RBPJ: variants seen among roughly 807,000 people sequenced by gnomAD.
RBPJ encodes recombination signal binding protein for immunoglobulin kappa J region, also known as recombining binding protein suppressor of hairless.
RBPJ carries 9 observed loss-of-function variants against 67.8 expected under a neutral mutation model. The observed-to-expected ratio is 0.13, with a 90% CI of 0.08 to 0.23. The LOEUF is 0.23. Among genes scored for constraint, RBPJ ranks in the 10% least tolerant of loss-of-function variants. The pLI is 1.00. For synonymous variants in RBPJ, 198 were observed against 203.3 expected (o/e 0.97, Z 0.22); for missense variants, 305 against 595.6 (o/e 0.51, Z 5.08).
chr4:26,409,774 G>A (rs573946574), intron 3 of RBPJ, among the ~76,000 whole-genome samples: 2 of 152,032 alleles, frequency 1.3e-5, no homozygotes, highest in Non-Finnish European at 2.9e-5. Flanking sequence ...CTGGGATTAC[G>A]GGCGTGAGCC....
chr4:26,233,399 A>G (rs1719352587), intron 1 of RBPJ, among the ~76,000 whole-genome samples: 1 of 152,164 alleles, frequency 6.6e-6, no homozygotes, highest in African/African-American at 2.4e-5. Flanking sequence ...TTCCTTGCAA[A>G]AAGTTTCCTT....
chr4:26,409,971 C>T, intron 3 of RBPJ: 1 of 424,764 alleles, frequency 2.4e-6, no homozygotes, highest in Admixed American at 2.9e-5. Context: ...TTAAAAATTT[C>T]AAAGTAGACC....
chr4:26,202,954 AAAGGAAGGAAGGAAATAAGGAAGG>A (rs1560208691), intron 1 of RBPJ, among the ~76,000 whole-genome samples: 6 of 123,720 alleles, frequency 4.8e-5, no homozygotes, highest in African/African-American at 1.9e-4. Flanking sequence ...AGGAAGGAAG[AAAGGAAGGAAGGAAATAAGGAAGG>A]AAGGAAGGAA....
At chr4:26,186,490 A>C (rs1036207695) in intron 1 of RBPJ, among the ~76,000 whole-genome samples, 2 of 152,176 alleles carry the variant, frequency 1.3e-5, no homozygotes, top group African/African-American at 2.4e-5. Context: ...TCTGAAGGGC[A>C]ATGTTGCCTG....
chr4:26,307,056 T>G (rs1026365992), intron 1 of RBPJ, among the ~76,000 whole-genome samples: 1 of 152,148 alleles, frequency 6.6e-6, no homozygotes, highest in Non-Finnish European at 1.5e-5. Context: ...TTTAAATTGT[T>G]ATAGCCAAAA....
At chr4:26,352,825 T>C (rs994590619) in intron 1 of RBPJ, among the ~76,000 whole-genome samples, 3 of 152,238 alleles carry the variant, frequency 2.0e-5, no homozygotes, top group Non-Finnish European at 2.9e-5. Context: ...AAGTCTCTTA[T>C]ACTGCCATGT....
intron 1 of RBPJ, among the ~76,000 whole-genome samples, chr4:26,288,847 C>CT (rs201544152): frequency 6.6e-6 from 1 of 151,350 alleles, no homozygotes; most frequent in African/African-American, 2.4e-5. Flanking sequence ...GAAGCGAGGT[C>CT]ACTTTTGTAC....
At chr4:26,273,541 G>C (rs1322616068) in intron 1 of RBPJ, among the ~76,000 whole-genome samples, 2 of 152,236 alleles carry the variant, frequency 1.3e-5, no homozygotes, top group Admixed American at 6.5e-5. Flanking sequence ...GCAGAGAGCA[G>C]TATCTATGTC....
Position 26,215,014 on chromosome 4 carries a change from G to GAGAA in RBPJ, c.-167+51414_-167+51417dup, listed in dbSNP as rs1337877331. On this transcript the variant is annotated intron_variant, in intron 1 of 4. Coordinates refer to the RBPJ transcript ENST00000512351. The stretch of plus-strand genomic sequence containing the variant: ...AGGGAGGGAGGGAAGGAAGGAAGGA[G>GAGAA]AGAAAGAAAGAAAGAAAAGAAAGAG... Among the ~76,000 whole-genome samples the GAGAA allele has an allele frequency of 3.6e-5, 2 of 55,994 alleles. 1 individual carries two copies. The highest frequency in any genetic ancestry group is 4.3e-4 in the Admixed American group (2 of 4,660). The allele number at this position is 55,994 out of a possible 152,430, so 36.7% of individuals were successfully genotyped here. A position where few individuals can be genotyped will look rare whatever the true frequency, so the allele number is the denominator to read the frequency against.
the RBPJ span, among the ~76,000 whole-genome samples, chr4:26,145,920 T>C: frequency 1.3e-5 from 2 of 152,100 alleles, no homozygotes; most frequent in African/African-American, 4.8e-5. Context: ...AGTTCTTTTA[T>C]TTTGGTCAAT....
intron 7 of RBPJ, among the ~76,000 whole-genome samples, chr4:26,427,713 A>T (rs1269482171): frequency 6.6e-6 from 1 of 152,118 alleles, no homozygotes; most frequent in African/African-American, 2.4e-5. Context: ...ATTGCAGGAG[A>T]TTGGACAGTG....
chr4:26,215,702 C>T (rs974396237), intron 1 of RBPJ, among the ~76,000 whole-genome samples: 8 of 152,134 alleles, frequency 5.3e-5, no homozygotes, highest in East Asian at 1.9e-4. Flanking sequence ...CACACTCTCA[C>T]GCTAGGGACC....
At position 26,292,575 on chromosome 4, in the gene RBPJ, C is replaced by T. The variant is rs1352882363; in HGVS notation, c.-166-69871C>T. Among the ~76,000 whole-genome samples, 3 of 150,126 alleles carry T rather than the reference C, an allele frequency of 2.0e-5. 1 individual carries two copies. Among genetic ancestry groups the T allele is most frequent in the South Asian group, 2.1e-4 (1 of 4,744 alleles). ...AGCTGGGATTACAGCCGCCCACCAT[C>T]GGGCTCAGCTAACTTTTGTTATTTT... On this transcript the variant is annotated intron_variant, in intron 1 of 4. Transcript: ENST00000512351.
chr4:26,276,272 CAAAA>C (rs767611317), intron 1 of RBPJ, among the ~76,000 whole-genome samples: 2 of 64,340 alleles, frequency 3.1e-5, no homozygotes, highest in Admixed American at 1.8e-4. Flanking sequence ...GACTCCATCT[CAAAA>C]AAAAAAAAAA....
chr4:26,358,033 G>GTGTGTA (rs1242575595), intron 1 of RBPJ, among the ~76,000 whole-genome samples: 3 of 151,458 alleles, frequency 2.0e-5, no homozygotes, highest in Admixed American at 2.0e-4. Flanking sequence ...GTGTGTGTGT[G>GTGTGTA]TGTGTGTGTG....
intron 4 of RBPJ, among the ~76,000 whole-genome samples, chr4:26,419,905 GTTC>G (rs1379644215): frequency 1.3e-5 from 2 of 152,056 alleles, no homozygotes; most frequent in African/African-American, 2.4e-5. Flanking sequence ...TTTAAATTCA[GTTC>G]TTCTGGTGAT....
chr4:26,236,162 A>G (rs1176072009), intron 1 of RBPJ, among the ~76,000 whole-genome samples: 3 of 152,212 alleles, frequency 2.0e-5, no homozygotes, highest in African/African-American at 4.8e-5. Context: ...GATTGAGGAA[A>G]GAGGTCCTTT....
chr4:26,429,127 G>A (rs138183170), intron 8 of RBPJ, among the ~76,000 whole-genome samples: 5 of 152,252 alleles, frequency 3.3e-5, no homozygotes, highest in African/African-American at 1.2e-4. Context: ...AGAACAAAGA[G>A]CCCCTCAGGA....
In RBPJ at chr4:26,429,924, T is replaced by C. The variant is rs1736044476; in HGVS notation, c.915T>C (p.Asn305=). The change falls in exon 9 of 11, where the codon AAT becomes AAC. Residue 305 remains asparagine, a synonymous_variant. Coordinates refer to ENST00000355476, the MANE Select transcript of RBPJ (RefSeq NM_015874.6). ...CCACTCCATGTCCAAAAGAACCAAA[T>C]AAAGAGATGATAAATGATGGCGCTT... ...FQATPCPKEP[N]KEMINDGASW... is the part of the protein sequence containing the mutation. The C allele has an allele frequency of 1.2e-6, 2 of 1,613,186 alleles. No homozygotes were observed. The highest frequency in any genetic ancestry group is 2.7e-5 in the African/African-American group (2 of 74,880).
Sources: allele counts gnomAD v4.1 joint callset (sites outside exome capture counted in the v4.1 genomes callset), GRCh38; gene constraint gnomAD v4.1.1; transcripts MANE v1.5; gene names NCBI Gene and HGNC (gene_info 2026-07-23, HGNC 2026-07-21).